The following ME3 variants were observed in gnomAD, a reference collection of about 807,000 sequenced individuals.
ME3 encodes the protein NADP-dependent malic enzyme, mitochondrial.
ME3 carries 48 observed loss-of-function variants against 68.9 expected under a neutral mutation model. That is an observed-to-expected ratio of 0.70 (90% CI 0.55 to 0.89). The LOEUF (loss-of-function observed/expected upper bound fraction) is 0.89. Among genes scored for constraint, ME3 ranks in the 40% least tolerant of loss-of-function variants. The pLI, the probability that ME3 is intolerant of heterozygous loss-of-function variation, is 0.00. For synonymous variants in ME3, 320 were observed against 318.8 expected (o/e 1.00, Z -0.04); for missense variants, 675 against 797.4 (o/e 0.85, Z 1.85).
intron 2 of ME3, among the ~76,000 whole-genome samples, chr11:86,627,247 A>C (rs986873706): frequency 6.6e-6 from 1 of 152,228 alleles, no homozygotes. Flanking sequence ...TTATGGGTAA[A>C]ATAGAGTGTG....
At chr11:86,616,080 A>G (rs1395631257) in intron 2 of ME3, among the ~76,000 whole-genome samples, 1 of 152,160 alleles carries the variant, frequency 6.6e-6, no homozygotes, top group African/African-American at 2.4e-5. Context: ...TATAAACAAA[A>G]AGCAATGTTA....
downstream of ME3, among the ~76,000 whole-genome samples, chr11:86,437,913 A>G (rs1948906498): frequency 6.6e-6 from 1 of 151,978 alleles, no homozygotes; most frequent in Non-Finnish European, 1.5e-5. Context: ...TACATGCAGG[A>G]TTAGGTCATC....
At chr11:86,594,554 G>T (rs1194887226) in intron 2 of ME3, among the ~76,000 whole-genome samples, 3 of 145,342 alleles carry the variant, frequency 2.1e-5, no homozygotes, top group Non-Finnish European at 4.5e-5. Flanking sequence ...AATCAGCCAG[G>T]TGTGGTGATG....
chr11:86,548,967 C>T (rs1956523727), intron 4 of ME3, among the ~76,000 whole-genome samples: 1 of 152,178 alleles, frequency 6.6e-6, no homozygotes, highest in Non-Finnish European at 1.5e-5. Flanking sequence ...AAGTGTGGTC[C>T]CTGGCCAGAA....
chr11:86,450,330 G>A, exon 9 of ME3: 1 of 1,614,136 alleles, frequency 6.2e-7, no homozygotes, highest in Non-Finnish European at 8.5e-7. Context: ...ACAAACACGT[G>A]ATTGGAAAGC....
chr11:86,525,469 GAATT>G (rs1264219734), intron 4 of ME3, among the ~76,000 whole-genome samples: 1 of 149,498 alleles, frequency 6.7e-6, no homozygotes, highest in Admixed American at 6.7e-5. Context: ...GAATGTAAAT[GAATT>G]AATTCTCCTA....
At chr11:86,440,024 A>T (rs1392689120), downstream of ME3, among the ~76,000 whole-genome samples, 1 of 152,182 alleles carries the variant, frequency 6.6e-6, no homozygotes, top group Non-Finnish European at 1.5e-5. Flanking sequence ...GAAGAATAAG[A>T]CCTGAGCAAG....
intron 4 of ME3, among the ~76,000 whole-genome samples, chr11:86,519,159 T>C (rs1168371392): frequency 6.6e-6 from 1 of 152,208 alleles, no homozygotes; most frequent in Non-Finnish European, 1.5e-5. Context: ...AGTGGTGATA[T>C]CACAATTCCT....
At chr11:86,634,132 AAGG>A (rs1944187922) in intron 2 of ME3, among the ~76,000 whole-genome samples, 1 of 152,114 alleles carries the variant, frequency 6.6e-6, no homozygotes, top group South Asian at 2.1e-4. Context: ...GGAAGAAAAA[AAGG>A]AGAAGGAAGA....
At chr11:86,488,232 A>C (rs905505160) in intron 6 of ME3, among the ~76,000 whole-genome samples, 3 of 152,218 alleles carry the variant, frequency 2.0e-5, no homozygotes, top group Non-Finnish European at 4.4e-5. Flanking sequence ...AGGTCTTCTT[A>C]GGGACAAAAC....
At chr11:86,498,852 A>G (rs1016389110) in intron 5 of ME3, among the ~76,000 whole-genome samples, 2 of 152,208 alleles carry the variant, frequency 1.3e-5, no homozygotes, top group African/African-American at 4.8e-5. Flanking sequence ...CATTTAATAC[A>G]TATTTATGAA....
chr11:86,519,980 A>G (rs1954156025), intron 4 of ME3, among the ~76,000 whole-genome samples: 1 of 152,372 alleles, frequency 6.6e-6, no homozygotes, highest in South Asian at 2.1e-4. Flanking sequence ...TGGTTCACTC[A>G]TAATCCTTCT....
chr11:86,511,018 C>T (rs547061198), intron 4 of ME3, among the ~76,000 whole-genome samples: 1 of 152,290 alleles, frequency 6.6e-6, no homozygotes, highest in East Asian at 1.9e-4. Context: ...ATGGTCTCCT[C>T]CCTTCTTTTA....
In ME3 at chr11:86,636,555, T is replaced by C. The variant is rs895652609; in HGVS notation, c.183+35207A>G. ...GACACACATGACAGCCTGCAGGGCATGCATAGCCCTCATTCCTGACTTACT... is the reference window on the plus strand; with the variant it reads ...GACACACATGACAGCCTGCAGGGCACGCATAGCCCTCATTCCTGACTTACT... On this transcript the variant is annotated intron_variant, in intron 2 of 14. Transcript: ENST00000543262. Among the ~76,000 whole-genome samples, 5 of 152,304 alleles carry C rather than the reference T, an allele frequency of 3.3e-5. No individual in the cohort carries two copies. In the East Asian group the frequency reaches 7.7e-4, roughly 24 times the overall value.
intron 7 of ME3, among the ~76,000 whole-genome samples, chr11:86,467,080 T>TG (rs113675981): frequency 0.077 from 11,733 of 152,318 alleles, 500 homozygotes; most frequent in South Asian, 0.11. Flanking sequence ...TAAAATGTGA[T>TG]GATTTGATAT....
In ME3 at chr11:86,524,458, G is replaced by T. The variant is rs368343009; in HGVS notation, c.468-15591C>A. On this transcript the variant is annotated intron_variant, in intron 4 of 14. Coordinates refer to ENST00000543262, the Ensembl canonical transcript of ME3. Reference sequence around the variant, plus strand: ...TCTGCAGCCTCAGTTTAAGAAATAGGCTAGGAGCTCAGAACCCTGTGAAGA... The same window carrying T: ...TCTGCAGCCTCAGTTTAAGAAATAGTCTAGGAGCTCAGAACCCTGTGAAGA... Among the ~76,000 whole-genome samples the T allele has an allele frequency of 2.5e-4, 38 of 152,210 alleles. No homozygotes were observed. The East Asian group carries it at 4.2e-3, about 17-fold the overall frequency.
chr11:86,528,086 T>C (rs890570505), intron 4 of ME3, among the ~76,000 whole-genome samples: 3 of 152,116 alleles, frequency 2.0e-5, no homozygotes, highest in African/African-American at 7.2e-5. Flanking sequence ...TCAAGACCCA[T>C]CAGTGTGCTG....
At chr11:86,438,567 A>G (rs1948910049), downstream of ME3, among the ~76,000 whole-genome samples, 1 of 152,210 alleles carries the variant, frequency 6.6e-6, no homozygotes, top group African/African-American at 2.4e-5. Context: ...TAAGTATTTG[A>G]TAAATTCCAA....
chr11:86,438,604 T>C (rs1307203917), downstream of ME3, among the ~76,000 whole-genome samples: 1 of 152,202 alleles, frequency 6.6e-6, no homozygotes, highest in Non-Finnish European at 1.5e-5. Context: ...GACCTGGTTT[T>C]TCTTGGGGGA....
Sources: allele counts gnomAD v4.1 joint callset (sites outside exome capture counted in the v4.1 genomes callset), GRCh38; gene constraint gnomAD v4.1.1; transcripts MANE v1.5; gene names NCBI Gene and HGNC (gene_info 2026-07-23, HGNC 2026-07-21).